PTPRN2: variants seen among roughly 807,000 people sequenced by gnomAD.
The protein encoded by PTPRN2 is protein tyrosine phosphatase receptor type N2, also known as receptor-type tyrosine-protein phosphatase N2.
Under a neutral mutation model 118.8 loss-of-function variants are expected in PTPRN2, and 74 were observed. The ratio of observed to expected loss-of-function variants is 0.62; its 90% CI spans 0.52 to 0.76. PTPRN2 has a LOEUF of 0.76. Among genes scored for constraint, PTPRN2 ranks in the 30% least tolerant of loss-of-function variants. PTPRN2 has a pLI of 0.00. For synonymous variants in PTPRN2, 641 were observed against 608.0 expected, an observed-to-expected ratio of 1.05 and a Z score of -0.80; for missense variants, 1,481 against 1,394.4, an observed-to-expected ratio of 1.06 and a Z score of -0.99.
chr7:158,442,332 G>A (rs1817409068), intron 2 of PTPRN2, among the ~76,000 whole-genome samples: 2 of 152,168 alleles, frequency 1.3e-5, no homozygotes, highest in Admixed American at 6.5e-5. Flanking sequence ...ACCCTGAAAT[G>A]CATGGTATTC....
rs1810263242 is a variant in PTPRN2 at position 157,861,824 on chromosome 7, C to T, written c.1788+36849G>A. On this transcript the variant is annotated intron_variant, in intron 12 of 22. Coordinates refer to ENST00000389418, the MANE Select transcript of PTPRN2 (RefSeq NM_002847.5). This position sits in a 1 kb window ranked among gnomAD's most constrained non-coding sequence, Gnocchi z 5.8. ...CCCTCTGCATGCCGGAGTCTGTCCT[C>T]TCCGTCGCAGGGACACGGATGCTTC... 2.0e-5 allele frequency among the ~76,000 whole-genome samples: 3 copies of T among 152,238 alleles called. No individual in the cohort carries two copies. Among genetic ancestry groups the T allele is most frequent in the African/African-American group, 7.2e-5 (3 of 41,466 alleles).
At chr7:157,703,281 C>T (rs1055413227) in intron 12 of PTPRN2, among the ~76,000 whole-genome samples, 6 of 152,178 alleles carry the variant, frequency 3.9e-5, no homozygotes, top group African/African-American at 7.2e-5. Flanking sequence ...GGTCCCCGAC[C>T]GACTTTCGAG....
At chr7:157,739,870 C>A (rs1335733183) in intron 12 of PTPRN2, among the ~76,000 whole-genome samples, 2 of 152,202 alleles carry the variant, frequency 1.3e-5, no homozygotes, top group Non-Finnish European at 2.9e-5. Flanking sequence ...CTCATTCCAC[C>A]CCCTCTGCGT....
intron 12 of PTPRN2, among the ~76,000 whole-genome samples, chr7:157,880,524 A>C (rs949859103): frequency 6.6e-6 from 1 of 152,180 alleles, no homozygotes; most frequent in African/African-American, 2.4e-5. Flanking sequence ...GACCCTGTAC[A>C]TCCTCCCTGC....
At chr7:158,420,382 T>C (rs1815151295) in intron 2 of PTPRN2, among the ~76,000 whole-genome samples, 1 of 152,212 alleles carries the variant, frequency 6.6e-6, no homozygotes, top group Non-Finnish European at 1.5e-5. Flanking sequence ...GAGCCACATT[T>C]GGCTCCTTTC....
intron 7 of PTPRN2, among the ~76,000 whole-genome samples, chr7:158,137,017 A>G (rs1818887603): frequency 6.6e-6 from 1 of 152,168 alleles, no homozygotes; most frequent in African/African-American, 2.4e-5. Context: ...CGAGCAGTTC[A>G]CGTCATGAAA....
At chr7:158,085,515 C>T (rs1183282512) in intron 10 of PTPRN2, among the ~76,000 whole-genome samples, 5 of 135,742 alleles carry the variant, frequency 3.7e-5, no homozygotes, top group Admixed American at 7.4e-5. Context: ...TGACGCCCAT[C>T]CACACAGATG....
At chr7:158,020,331 T>C (rs1806780054) in intron 11 of PTPRN2, among the ~76,000 whole-genome samples, 1 of 152,182 alleles carries the variant, frequency 6.6e-6, no homozygotes, top group South Asian at 2.1e-4. Flanking sequence ...AAAGACTTCT[T>C]ACAGTGAGTG....
intron 6 of PTPRN2, among the ~76,000 whole-genome samples, chr7:158,149,821 A>G (rs1310844957): frequency 6.6e-6 from 1 of 151,680 alleles, no homozygotes; most frequent in Non-Finnish European, 1.5e-5. Flanking sequence ...AAAAAAAGAT[A>G]AACCCAAGTG....
rs1055523830 is a variant in PTPRN2 at position 157,682,643 on chromosome 7, G to C, written c.2001+82C>G. ...TACAGGAACAACTGCTGGGAATGGA[G>C]GAGGGGCCAGAGAGGAACGCCATCA... On this transcript the variant is annotated intron_variant, in intron 13 of 22. Transcript: ENST00000389418. 5 of 1,363,036 alleles carry C rather than the reference G, an allele frequency of 3.7e-6. No individual in the cohort carries two copies. The African/African-American group carries it at 4.3e-5, about 12-fold the overall frequency. 84.4% of individuals were successfully genotyped at this position (1,363,036 alleles called of 1,614,324 possible). A position where few individuals can be genotyped will look rare whatever the true frequency, so the allele number is the denominator to read the frequency against.
At chr7:158,113,006 C>A (rs2150374046) in intron 9 of PTPRN2, among the ~76,000 whole-genome samples, 1 of 151,402 alleles carries the variant, frequency 6.6e-6, no homozygotes, top group Middle Eastern at 3.4e-3. Flanking sequence ...TAGGATCCCC[C>A]AGCATTGAGG....
rs1016668692 is a variant in PTPRN2, at chr7:157,784,722, G to A, written c.1789-101785C>T. ...CAGGGGCTGAGCTGATCCCGTGGCA[G>A]TGCAAACCGAGGGCCCCCTGGGTCT... On this transcript the variant is annotated intron_variant, in intron 12 of 22. Transcript: ENST00000389418. This position sits in a 1 kb window ranked among gnomAD's most constrained non-coding sequence, Gnocchi z 4.6. Among the ~76,000 whole-genome samples the A allele has an allele frequency of 6.6e-6, 1 of 150,650 alleles. No individual in the cohort carries two copies. The highest frequency in any genetic ancestry group is 6.6e-5 in the Admixed American group (1 of 15,106).
chr7:158,248,919 CAG>C (rs1489617824), intron 3 of PTPRN2, among the ~76,000 whole-genome samples: 3 of 149,770 alleles, frequency 2.0e-5, no homozygotes, highest in Non-Finnish European at 3.0e-5. Flanking sequence ...ATACACCACA[CAG>C]TGCACACATG....
chr7:158,341,964 G>A (rs1229816591), intron 2 of PTPRN2, among the ~76,000 whole-genome samples: 5 of 148,554 alleles, frequency 3.4e-5, no homozygotes, highest in Non-Finnish European at 5.9e-5. Context: ...GCCCGCAGAC[G>A]TCACTCACAC....
chr7:158,376,721 T>C (rs1466821274), intron 2 of PTPRN2, among the ~76,000 whole-genome samples: 37 of 76,628 alleles, frequency 4.8e-4, no homozygotes, highest in East Asian at 1.3e-3. Context: ...CAGGGGACTC[T>C]CCCACAGCCC....
intron 2 of PTPRN2, among the ~76,000 whole-genome samples, chr7:158,377,811 G>A (rs985214747): frequency 2.6e-5 from 4 of 152,150 alleles, no homozygotes; most frequent in Non-Finnish European, 4.4e-5. Context: ...CTGCTGGTAC[G>A]GCCCTGCACG....
chr7:158,121,782 C>A (rs192523512), intron 9 of PTPRN2, among the ~76,000 whole-genome samples: 2 of 152,198 alleles, frequency 1.3e-5, no homozygotes, highest in African/African-American at 4.8e-5. Flanking sequence ...ACAAAGTGTA[C>A]GGGACGTGCA....
intron 12 of PTPRN2, among the ~76,000 whole-genome samples, chr7:157,699,286 C>T (rs1359232137): frequency 6.6e-6 from 1 of 152,186 alleles, no homozygotes; most frequent in Non-Finnish European, 1.5e-5. Context: ...CCTGACAAAG[C>T]TCACCTTTGT....
chr7:158,312,695 ACACT>A (rs1436519805), intron 3 of PTPRN2, among the ~76,000 whole-genome samples: 3 of 135,914 alleles, frequency 2.2e-5, no homozygotes, highest in Non-Finnish European at 4.8e-5. Context: ...GCACACCTGC[ACACT>A]CATTCACGTG....
Sources: allele counts gnomAD v4.1 joint callset (sites outside exome capture counted in the v4.1 genomes callset), GRCh38; gene constraint gnomAD v4.1.1; non-coding constraint Gnocchi (gnomAD v3.1); transcripts MANE v1.5; gene names NCBI Gene and HGNC (gene_info 2026-07-23, HGNC 2026-07-21).